Variants in RBM33 observed in about 807,000 individuals in gnomAD.
The protein encoded by RBM33 is RNA-binding protein 33.
In RBM33, 28 loss-of-function variants were observed where a neutral mutation model predicts 132.6. The observed-to-expected ratio is 0.21, with a 90% CI of 0.16 to 0.29. The LOEUF is 0.29. Among genes scored for constraint, RBM33 ranks in the 10% least tolerant of loss-of-function variants. RBM33 has a pLI of 1.00. For missense variants in RBM33, 1,291 were observed against 1,518.5 expected (o/e 0.85, Z 2.49); for synonymous variants, 634 against 593.0 (o/e 1.07, Z -1.01).
At chr7:155,666,403 G>A (rs988853888) in intron 2 of RBM33, among the ~76,000 whole-genome samples, 6 of 152,168 alleles carry the variant, frequency 3.9e-5, no homozygotes, top group African/African-American at 1.4e-4. Flanking sequence ...TCAGTCTGTG[G>A]ACTCATTGCT....
intron 3 of RBM33, among the ~76,000 whole-genome samples, chr7:155,673,940 G>GTTGTTGTTTGTTTTTTTGTTTT: frequency 1.8e-5 from 1 of 54,214 alleles, no homozygotes; most frequent in Non-Finnish European, 3.2e-5. Flanking sequence ...TTTAGGCTTA[G>GTTGTTGTTTGTTTTTTTGTTTT]TTTTTTTTTT....
rs76047180 is a variant in RBM33, at chr7:155,676,718, G to C, written c.172-1890G>C. ...CCCCTGGAGCCCGAGAAAACTGTTC[G>C]CTCCAGTTCTTTAGGATGTGTTGAA... On this transcript the variant is annotated intron_variant, in intron 3 of 17. Coordinates refer to ENST00000401878, the MANE Select transcript of RBM33 (RefSeq NM_053043.3). Among the ~76,000 whole-genome samples, 420 of 152,236 alleles carry C rather than the reference G, an allele frequency of 2.8e-3. 2 individuals are homozygous for C. The highest frequency in any genetic ancestry group is 9.5e-3 in the African/African-American group (393 of 41,520).
intron 1 of RBM33, among the ~76,000 whole-genome samples, chr7:155,663,334 G>C (rs942590431): frequency 2.0e-5 from 3 of 152,014 alleles, no homozygotes; most frequent in African/African-American, 7.2e-5. Flanking sequence ...TCATGGTTCT[G>C]TAGGCTGTAC....
intron 7 of RBM33, among the ~76,000 whole-genome samples, chr7:155,710,709 C>T (rs1456057827): frequency 1.3e-5 from 2 of 152,112 alleles, no homozygotes; most frequent in East Asian, 1.9e-4. Flanking sequence ...CTCCCAGCCT[C>T]TCCTGGAGGC....
chr7:155,653,892 G>T (rs549020647), intron 1 of RBM33, among the ~76,000 whole-genome samples: 2 of 152,304 alleles, frequency 1.3e-5, no homozygotes, highest in South Asian at 4.1e-4. Flanking sequence ...CCTCATTGCA[G>T]TTGGCATCTG....
At chr7:155,670,503 A>G (rs1035266029) in intron 2 of RBM33, among the ~76,000 whole-genome samples, 1 of 152,200 alleles carries the variant, frequency 6.6e-6, no homozygotes, top group African/African-American at 2.4e-5. Context: ...AAGTACATGT[A>G]GTTTCTGTGG....
chr7:155,652,197 C>G (rs911983773), intron 1 of RBM33, among the ~76,000 whole-genome samples: 1 of 152,062 alleles, frequency 6.6e-6, no homozygotes, highest in Non-Finnish European at 1.5e-5. Flanking sequence ...GGTTGAGAAC[C>G]TTTGGAATAC....
intron 4 of RBM33, 102 bp from the exon 5 acceptor site, chr7:155,680,488 T>C: frequency 1.2e-6 from 1 of 843,678 alleles, no homozygotes; most frequent in Non-Finnish European, 1.8e-6. Flanking sequence ...TAACTTTTTA[T>C]CAGTCATGGT....
chr7:155,775,372 C>T lies in RBM33; in HGVS notation c.*331C>T. The T allele has an allele frequency of 2.2e-6, 1 of 463,358 alleles. No individual in the cohort carries two copies. Among genetic ancestry groups the T allele is most frequent in the South Asian group, 2.2e-5 (1 of 44,646 alleles). The allele number at this position is 463,358 out of a possible 1,614,324, so 28.7% of individuals were successfully genotyped here. A position where few individuals can be genotyped will look rare whatever the true frequency, so the allele number is the denominator to read the frequency against. On this transcript the variant is annotated 3_prime_UTR_variant, in exon 18 of 18. Transcript: ENST00000401878. ...CTGACTCTATGATCGATCACAGTGA[C>T]TTAGATTCAGGAAAGAACATTAACG...
chr7:155,698,331 C>T (rs1799857551), intron 5 of RBM33, among the ~76,000 whole-genome samples: 1 of 151,738 alleles, frequency 6.6e-6, no homozygotes, highest in Non-Finnish European at 1.5e-5. Context: ...CGCACCACTG[C>T]ACTCCAGCCT....
intron 9 of RBM33, among the ~76,000 whole-genome samples, chr7:155,731,730 A>G (rs1563165217): frequency 6.6e-6 from 1 of 152,228 alleles, no homozygotes; most frequent in Non-Finnish European, 1.5e-5. Context: ...ATTTCAATTG[A>G]TGGTGGGTAA....
At chr7:155,761,120 C>CG (rs749764128) in intron 14 of RBM33, among the ~76,000 whole-genome samples, 24 of 152,210 alleles carry the variant, frequency 1.6e-4, no homozygotes, top group African/African-American at 2.6e-4. Flanking sequence ...CTTGGTTAAC[C>CG]GGGGGGGTGT....
At chr7:155,683,406 T>A (rs1290494102) in intron 5 of RBM33, among the ~76,000 whole-genome samples, 1 of 152,234 alleles carries the variant, frequency 6.6e-6, no homozygotes, top group Non-Finnish European at 1.5e-5. Flanking sequence ...ATGACTTGTA[T>A]AACTGTGATT....
intron 5 of RBM33, among the ~76,000 whole-genome samples, chr7:155,690,366 T>C (rs1799600616): frequency 6.6e-6 from 1 of 152,238 alleles, no homozygotes; most frequent in Non-Finnish European, 1.5e-5. Context: ...TATGTGTCTC[T>C]GCACGTGAGA....
chr7:155,673,763 T>TGC (rs1491204659), intron 3 of RBM33, among the ~76,000 whole-genome samples: 531 of 39,332 alleles, frequency 0.014, 10 homozygotes, highest in Middle Eastern at 0.048. Flanking sequence ...TACGCGCGCA[T>TGC]GCGCGCACAC....
intron 15 of RBM33, among the ~76,000 whole-genome samples, chr7:155,765,683 C>T (rs183975743): frequency 1.6e-4 from 24 of 152,340 alleles, no homozygotes; most frequent in Admixed American, 2.0e-4. Flanking sequence ...ACATTGGGCA[C>T]ATATGTTCTC....
intron 13 of RBM33, among the ~76,000 whole-genome samples, chr7:155,743,850 C>T (rs187318284): frequency 3.3e-5 from 5 of 152,310 alleles, no homozygotes; most frequent in South Asian, 2.1e-4. Context: ...TGTCCCCAGC[C>T]GTCTGCTTCC....
chr7:155,693,767 A>C (rs1184989738), intron 5 of RBM33, among the ~76,000 whole-genome samples: 1 of 152,042 alleles, frequency 6.6e-6, no homozygotes, highest in African/African-American at 2.4e-5. Flanking sequence ...ATATTAGTCA[A>C]TGAGATAATT....
At chr7:155,676,330 G>T (rs1473416257) in intron 3 of RBM33, among the ~76,000 whole-genome samples, 5 of 152,204 alleles carry the variant, frequency 3.3e-5, no homozygotes. Flanking sequence ...GAGTGAGGTG[G>T]AAGTTGGCTG....
Sources: gnomAD v4.1 joint callset for allele counts (sites outside exome capture counted in the v4.1 genomes callset) on GRCh38, gnomAD v4.1.1 for gene constraint, MANE v1.5 for transcripts, NCBI Gene and HGNC (gene_info 2026-07-23, HGNC 2026-07-21) for gene names.